The following CTPS1 variants were observed in gnomAD, a reference collection of about 807,000 sequenced individuals.
CTPS1 encodes CTP synthetase 1.
In CTPS1, 25 loss-of-function variants were observed where a neutral mutation model predicts 80.5. The ratio of observed to expected loss-of-function variants is 0.31; its 90% CI spans 0.23 to 0.43. The LOEUF is 0.43. Among genes scored for constraint, CTPS1 ranks in the 20% least tolerant of loss-of-function variants. The pLI, the probability that CTPS1 is intolerant of heterozygous loss-of-function variation, is 1.00. For synonymous variants in CTPS1, 267 were observed against 252.5 expected, an observed-to-expected ratio of 1.06 and a Z score of -0.54; for missense variants, 442 against 725.7, an observed-to-expected ratio of 0.61 and a Z score of 4.49.
intron 12 of CTPS1, 148 bp from the exon 13 acceptor site, chr1:41,005,900 TGGG>T: frequency 1.5e-6 from 1 of 657,194 alleles, no homozygotes; most frequent in African/African-American, 1.8e-5. Flanking sequence ...AGATCTCGTC[TGGG>T]GATGAGGTCA....
At chr1:40,996,196 T>TG in intron 8 of CTPS1, 128 bp downstream of exon 8, 1 of 990,938 alleles carries the variant, frequency 1.0e-6, no homozygotes, top group Non-Finnish European at 1.5e-6. Flanking sequence ...GAAGAGCCTT[T>TG]GTAGTAAGAG....
intron 12 of CTPS1, among the ~76,000 whole-genome samples, chr1:41,005,380 G>A (rs1195247694): frequency 6.6e-6 from 1 of 151,868 alleles, no homozygotes; most frequent in Non-Finnish European, 1.5e-5. Flanking sequence ...GGAGGTGGAG[G>A]TTTTGGTGCC....
intron 1 of CTPS1, chr1:40,980,398 C>CT (rs1022427146): frequency 6.6e-6 from 1 of 152,402 alleles, no homozygotes. Context: ...GCCTTTGGGC[C>CT]TCACGGCTTC....
intron 7 of CTPS1, among the ~76,000 whole-genome samples, chr1:40,994,706 C>CAGTACATCAT (rs1273484139): frequency 3.9e-5 from 6 of 152,194 alleles, no homozygotes; most frequent in Admixed American, 3.9e-4. Context: ...CTAATATCTT[C>CAGTACATCAT]AGTACATCAT....
intron 2 of CTPS1, among the ~76,000 whole-genome samples, 163 bp downstream of exon 2, chr1:40,983,619 CTT>C (rs56179408): frequency 2.7e-4 from 38 of 140,280 alleles, no homozygotes; most frequent in Middle Eastern, 3.6e-3. Flanking sequence ...AAGCAGAATT[CTT>C]TTTTTTTTTT....
chr1:41,006,006 C>CT, intron 12 of CTPS1, 45 bp from the exon 13 acceptor site: 2 of 1,487,518 alleles, frequency 1.3e-6, no homozygotes, highest in Non-Finnish European at 1.9e-6. Flanking sequence ...CTATTAATCA[C>CT]TTTCGTTTGT....
chr1:40,988,537 C>G, intron 4 of CTPS1, 57 bp from the exon 5 acceptor site: 1 of 1,177,650 alleles, frequency 8.5e-7, no homozygotes, highest in Non-Finnish European at 1.3e-6. Context: ...TGTTAGAAAA[C>G]TAAACTGCCA....
intron 5 of CTPS1, 62 bp from the exon 6 acceptor site, chr1:40,991,103 A>G: frequency 1.7e-6 from 2 of 1,204,116 alleles, no homozygotes; most frequent in Non-Finnish European, 1.2e-6. Context: ...AGGAAAAGTC[A>G]TACTTGAAAA....
rs1451655152 is a variant in CTPS1, at chr1:41,008,944, A to T, written c.1546+54A>T. On this transcript the variant is annotated intron_variant, in intron 16 of 18. Coordinates refer to ENST00000650070, the MANE Select transcript of CTPS1 (RefSeq NM_001905.4). ...GAAAACTTAGTAAAGTTTTCTTGGC[A>T]TATGGGAAAATATAAAAATGTTATC... The T allele has an allele frequency of 3.0e-6, 4 of 1,330,390 alleles. No homozygotes were observed. In the Admixed American group the frequency reaches 6.7e-5, roughly 22 times the overall value. The allele number at this position is 1,330,390 out of a possible 1,614,324, so 82.4% of individuals were successfully genotyped here.
chr1:40,987,536 G>A (rs1052905715), intron 4 of CTPS1, 64 bp downstream of exon 4: 17 of 1,194,632 alleles, frequency 1.4e-5, no homozygotes, highest in Non-Finnish European at 2.1e-5. Flanking sequence ...ATCAATAACT[G>A]ATAAGACAGT....
At chr1:40,992,682 A>ATTTTTTTT (rs67623913) in intron 7 of CTPS1, among the ~76,000 whole-genome samples, 2 of 127,902 alleles carry the variant, frequency 1.6e-5, no homozygotes, top group Non-Finnish European at 1.6e-5. Context: ...AAATTGTTCA[A>ATTTTTTTT]TTTTTTTTTT....
intron 9 of CTPS1, among the ~76,000 whole-genome samples, chr1:40,998,150 G>A (rs1361126930): frequency 6.6e-6 from 1 of 152,146 alleles, no homozygotes; most frequent in Non-Finnish European, 1.5e-5. Context: ...TGTAATCCCA[G>A]CACTTTGGGA....
intron 8 of CTPS1, 134 bp from the exon 9 acceptor site, chr1:40,997,260 C>A (rs113729173): frequency 9.2e-7 from 1 of 1,089,012 alleles, no homozygotes; most frequent in Non-Finnish European, 1.3e-6. Context: ...TTTCAAAGTG[C>A]TGGGATTATA....
At chr1:40,997,248 C>G in intron 8 of CTPS1, 146 bp from the exon 9 acceptor site, 1 of 933,930 alleles carries the variant, frequency 1.1e-6, no homozygotes, top group Non-Finnish European at 1.6e-6. Context: ...CCCGCCTCAG[C>G]CTTTCAAAGT....
At chr1:40,985,822 T>A (rs1185170548) in intron 3 of CTPS1, among the ~76,000 whole-genome samples, 1 of 152,168 alleles carries the variant, frequency 6.6e-6, no homozygotes, top group Non-Finnish European at 1.5e-5. Context: ...ATGGGCAAAT[T>A]AACCTCTTCA....
At position 40,980,770 on chromosome 1, in the gene CTPS1, TTGGGCA is replaced by T. The variant is rs1031096825; in HGVS notation, c.-14+944_-14+949del. 2.6e-5 allele frequency: 4 copies of T among 152,424 alleles called. No individual in the cohort carries two copies. The East Asian group carries it at 5.8e-4, about 22-fold the overall frequency. The allele number at this position is 152,424 out of a possible 1,614,324, so 9.4% of individuals were successfully genotyped here. On this transcript the variant is annotated intron_variant, in intron 1 of 18. Coordinates refer to ENST00000650070, the MANE Select transcript of CTPS1 (RefSeq NM_001905.4). Reference sequence around the variant, plus strand: ...CGTCACCTTCAGGATTAAGTTCAGATTGGGCATGCCAGTTTGCACATGATCTGGCCC... The same window carrying T: ...CGTCACCTTCAGGATTAAGTTCAGATTGCCAGTTTGCACATGATCTGGCCC...
rs1642320378 is a variant in CTPS1, at chr1:40,981,988, T to A, written c.-13-1290T>A. 2.3e-6 allele frequency: 3 copies of A among 1,289,074 alleles called. No individual in the cohort carries two copies. The South Asian group carries it at 3.7e-5, about 16-fold the overall frequency. 79.9% of individuals were successfully genotyped at this position (1,289,074 alleles called of 1,614,324 possible). On this transcript the variant is annotated intron_variant, in intron 1 of 18. Transcript: ENST00000650070. ...CCTGAGGAGGAAAATGTCCTGACCA[T>A]GCCAAAGTAAGCATTTTCTGCTACT...
In CTPS1 at chr1:41,006,327, G is replaced by A. The variant is rs546258064; in HGVS notation, c.1296+233G>A. 2.9e-4 allele frequency among the ~76,000 whole-genome samples: 44 copies of A among 152,252 alleles called. No individual in the cohort carries two copies. The South Asian group carries it at 8.7e-3, about 30-fold the overall frequency. ...GTTTTTAAGACAGGTACCAGCCCAGGAAACTGGAGGGGATTCCTGATTAAA... is the reference window on the plus strand; with the variant it reads ...GTTTTTAAGACAGGTACCAGCCCAGAAAACTGGAGGGGATTCCTGATTAAA... On this transcript the variant is annotated intron_variant, in intron 13 of 18. Coordinates refer to ENST00000650070, the MANE Select transcript of CTPS1 (RefSeq NM_001905.4).
intron 9 of CTPS1, 116 bp from the exon 10 acceptor site, chr1:41,000,913 T>G: frequency 1.7e-6 from 1 of 592,706 alleles, no homozygotes; most frequent in Non-Finnish European, 2.8e-6. Flanking sequence ...GATGATCACT[T>G]TAAAGCCAGA....
Sources: gnomAD v4.1 joint callset for allele counts (sites outside exome capture counted in the v4.1 genomes callset) on GRCh38, gnomAD v4.1.1 for gene constraint, MANE v1.5 for transcripts, NCBI Gene and HGNC (gene_info 2026-07-23, HGNC 2026-07-21) for gene names.